Variants in DMXL2 observed in about 807,000 individuals in gnomAD.
DMXL2 encodes Dmx like 2, also known as dmX-like protein 2.
A neutral mutation model predicts 331.1 loss-of-function variants in DMXL2; 103 were observed. The observed-to-expected ratio is 0.31, with a 90% CI of 0.27 to 0.37. The LOEUF (loss-of-function observed/expected upper bound fraction) is 0.37. DMXL2 is among the 10% of genes least tolerant of loss of function. The pLI is 1.00. For synonymous variants in DMXL2, 1,281 were observed against 1,252.1 expected (o/e 1.02, Z -0.49); for missense variants, 3,171 against 3,642.9 (o/e 0.87, Z 3.33).
chr15:51,525,087 G>GTCATGAGGC (rs976932453), intron 13 of DMXL2, among the ~76,000 whole-genome samples: 1 of 151,768 alleles, frequency 6.6e-6, no homozygotes, highest in African/African-American at 2.4e-5. Flanking sequence ...ACCAGTCAGA[G>GTCATGAGGC]TCATGAGGCT....
chr15:51,493,976 G>A (rs2042984178), intron 19 of DMXL2, among the ~76,000 whole-genome samples: 1 of 151,844 alleles, frequency 6.6e-6, no homozygotes, highest in African/African-American at 2.4e-5. Context: ...AAACTTCTGG[G>A]AATGTAAATG....
intron 9 of DMXL2, among the ~76,000 whole-genome samples, chr15:51,540,509 A>G (rs951759862): frequency 2.6e-5 from 4 of 152,140 alleles, no homozygotes; most frequent in Non-Finnish European, 5.9e-5. Flanking sequence ...CAGCAAAGAC[A>G]TATCTATACA....
chr15:51,556,185 T>C (rs2049560109), intron 6 of DMXL2, among the ~76,000 whole-genome samples: 1 of 151,196 alleles, frequency 6.6e-6, no homozygotes, highest in South Asian at 2.1e-4. Flanking sequence ...CTACTAAAAA[T>C]ACAAAAAATT....
intron 2 of DMXL2, among the ~76,000 whole-genome samples, chr15:51,572,498 A>G (rs2050741090): frequency 6.6e-6 from 1 of 152,304 alleles, no homozygotes; most frequent in South Asian, 2.1e-4. Context: ...AAAATTTTAC[A>G]CCAATATGGC....
chr15:51,537,117 A>G (rs1406450156), intron 11 of DMXL2, among the ~76,000 whole-genome samples: 1 of 152,216 alleles, frequency 6.6e-6, no homozygotes, highest in East Asian at 1.9e-4. Flanking sequence ...AATAGCAATA[A>G]AGTTGAGAGA....
intron 13 of DMXL2, among the ~76,000 whole-genome samples, chr15:51,525,001 G>T (rs7172979): frequency 0.017 from 2,539 of 151,818 alleles, 37 homozygotes; most frequent in Non-Finnish European, 0.03. Context: ...CCTTCTGCTT[G>T]AAGAGAGGCG....
chr15:51,476,359 T>A (rs1293340975), intron 27 of DMXL2, among the ~76,000 whole-genome samples: 1 of 152,196 alleles, frequency 6.6e-6, no homozygotes, highest in Admixed American at 6.5e-5. Context: ...ACATTGCTTT[T>A]TTATGTTGGT....
chr15:51,598,481 A>G (rs7170217), intron 1 of DMXL2, among the ~76,000 whole-genome samples: 72,929 of 152,060 alleles, frequency 0.48, 17,861 homozygotes, highest in Non-Finnish European at 0.52. Context: ...GATTTCTTGA[A>G]CTGCTGCAAT....
At chr15:51,548,234 G>A (rs942264952) in intron 6 of DMXL2, among the ~76,000 whole-genome samples, 6 of 151,938 alleles carry the variant, frequency 3.9e-5, no homozygotes, top group Non-Finnish European at 5.9e-5. Context: ...AAATGTTATC[G>A]CTTATGCAAA....
rs748012247 is a variant in DMXL2, at chr15:51,458,760, C to T, written c.8025G>A (p.Ala2675=). The T allele has an allele frequency of 1.9e-5, 30 of 1,613,864 alleles. No individual in the cohort carries two copies. Among genetic ancestry groups the T allele is most frequent in the African/African-American group, 2.7e-5 (2 of 74,896 alleles). ...TATCAGATTCCTTATGGATGACTTT[C>T]GCCTTTCCACCTGGATAGCCCAGAT... ...EADLGYPGGK[A]KVIHKESDMI... is the part of the protein sequence containing the mutation. Residue 2675 remains alanine (A), a synonymous_variant, in exon 35 of 44, where the codon GCG becomes GCA. Transcript: ENST00000560891.
At chr15:51,586,322 A>C (rs1342041122) in intron 1 of DMXL2, among the ~76,000 whole-genome samples, 1 of 152,212 alleles carries the variant, frequency 6.6e-6, no homozygotes, top group East Asian at 1.9e-4. Flanking sequence ...AGAAAAACGC[A>C]AAGCTGTGGG....
intron 1 of DMXL2, among the ~76,000 whole-genome samples, chr15:51,601,315 T>A (rs11636428): frequency 0.47 from 68,029 of 144,858 alleles, 16,672 homozygotes; most frequent in Non-Finnish European, 0.52. Context: ...AAATTTGATG[T>A]TTTAAGAAAT....
chr15:51,614,502 T>A (rs1347785085), intron 1 of DMXL2, among the ~76,000 whole-genome samples: 2 of 152,114 alleles, frequency 1.3e-5, no homozygotes, highest in Non-Finnish European at 2.9e-5. Context: ...ATCCTTGGAG[T>A]AAACCAGGGC....
At chr15:51,555,563 G>C (rs901918515) in intron 6 of DMXL2, among the ~76,000 whole-genome samples, 17 of 152,226 alleles carry the variant, frequency 1.1e-4, no homozygotes, top group African/African-American at 3.9e-4. Context: ...AAAACAGGCA[G>C]AGTACAGAAG....
In DMXL2 at chr15:51,499,548, C is replaced by T; in HGVS notation, c.3676G>A (p.Val1226Ile). ...LPLGGSIKQG[V>I]KSRWVLLRSI... ...CTAAGAAGAACCCATCTTGACTTAA[C>T]TCCTTGCTTGATACTACCACCTAGT... is the stretch of plus-strand genomic sequence containing the variant. The change falls in exon 18 of 44, where the codon GTT becomes ATT. Residue 1226 changes from valine (V) to isoleucine (I), a missense_variant. Val to Ile is a conservative substitution (Grantham distance 29). Coordinates refer to ENST00000560891, the MANE Select transcript of DMXL2 (RefSeq NM_001378457.1). 6.2e-7 allele frequency: 1 copy of T among 1,614,110 alleles called. No homozygotes were observed. The highest frequency in any genetic ancestry group is 1.1e-5 in the South Asian group (1 of 91,076).
intron 9 of DMXL2, among the ~76,000 whole-genome samples, chr15:51,540,956 A>T (rs1237295714): frequency 6.6e-6 from 1 of 152,138 alleles, no homozygotes; most frequent in Non-Finnish European, 1.5e-5. Flanking sequence ...AGGATAGTGT[A>T]CACAGTTAAA....
chr15:51,510,104 T>C (rs1388740408), intron 15 of DMXL2, among the ~76,000 whole-genome samples: 2 of 152,210 alleles, frequency 1.3e-5, no homozygotes, highest in Non-Finnish European at 2.9e-5. Flanking sequence ...AATATCATGC[T>C]GAATGGGCAA....
At chr15:51,595,815 G>A (rs942033720) in intron 1 of DMXL2, among the ~76,000 whole-genome samples, 5 of 152,134 alleles carry the variant, frequency 3.3e-5, no homozygotes, top group East Asian at 1.9e-4. Context: ...AGCAAGAAAC[G>A]GGGAAAGGAT....
intron 15 of DMXL2, among the ~76,000 whole-genome samples, chr15:51,509,745 C>G (rs1046406658): frequency 6.6e-6 from 1 of 152,044 alleles, no homozygotes; most frequent in Non-Finnish European, 1.5e-5. Flanking sequence ...GTGGCAGAGA[C>G]ACAACAAAAA....
Sources: allele counts gnomAD v4.1 joint callset (sites outside exome capture counted in the v4.1 genomes callset), GRCh38; gene constraint gnomAD v4.1.1; transcripts MANE v1.5; gene names NCBI Gene and HGNC (gene_info 2026-07-23, HGNC 2026-07-21).